Variants in OSBPL11 observed in about 807,000 individuals in gnomAD.
The protein encoded by OSBPL11 is oxysterol-binding protein-related protein 11.
OSBPL11 carries 33 observed loss-of-function variants against 84.4 expected under a neutral mutation model. The observed-to-expected ratio is 0.39, with a 90% CI of 0.30 to 0.52. The LOEUF is 0.52. Among genes scored for constraint, OSBPL11 ranks in the 20% least tolerant of loss-of-function variants. The pLI is 0.72. For synonymous variants in OSBPL11, 276 were observed against 310.2 expected, an observed-to-expected ratio of 0.89 and a Z score of 1.16; for missense variants, 736 against 901.1, an observed-to-expected ratio of 0.82 and a Z score of 2.35.
rs1936665515 is a variant in OSBPL11 at position 125,595,241 on chromosome 3, C to G, written c.-441G>C. 6.6e-6 allele frequency among the ~76,000 whole-genome samples: 1 copy of G among 152,166 alleles called. No homozygotes were observed. Among genetic ancestry groups the G allele is most frequent in the Non-Finnish European group, 1.5e-5 (1 of 68,018 alleles). ...CTCGTCTCCTCCGCAGGTCCTCAGG[C>G]AGTGCGTCCAGTCAAGCCCGCTCGG... On this transcript the variant is annotated 5_prime_UTR_variant, in exon 1 of 13. Transcript: ENST00000296220.
chr3:125,563,812 T>C lies in OSBPL11; in HGVS notation c.900A>G (p.Ile300Met), dbSNP rs776920789. ...CATTTTTATAGTGGTTTGATAAAGA[T>C]ATCTTTGGTTCTAACCACTCGATTG... is the stretch of plus-strand genomic sequence containing the variant. ...GTTIEWLEPK[I>M]SLSNHYKNGA... The change falls in exon 7 of 13, where the codon ATA (isoleucine) becomes ATG (methionine). Residue 300 changes from isoleucine to methionine, a missense_variant. Coordinates refer to ENST00000296220, the MANE Select transcript of OSBPL11 (RefSeq NM_022776.5). The C allele has an allele frequency of 3.1e-6, 5 of 1,614,206 alleles. No individual in the cohort carries two copies. In the Admixed American group the frequency reaches 6.7e-5, roughly 22 times the overall value.
intron 10 of OSBPL11, among the ~76,000 whole-genome samples, chr3:125,539,300 CAT>C (rs10678056): frequency 0.078 from 5,199 of 66,534 alleles, 139 homozygotes; most frequent in Admixed American, 0.11. Flanking sequence ...TCACCACAGC[CAT>C]ATATATATAT....
rs1187447177 is a variant in OSBPL11, at chr3:125,595,304, G to T, written c.-504C>A. Among the ~76,000 whole-genome samples, 2 of 152,112 alleles carry T rather than the reference G, an allele frequency of 1.3e-5. No homozygotes were observed. Among genetic ancestry groups the T allele is most frequent in the Non-Finnish European group, 2.9e-5 (2 of 67,988 alleles). The stretch of plus-strand genomic sequence containing the variant: ...CAGCCCCCGAGATACAGCCAGGGCC[G>T]GCGCGCGCAGCCGGGGAGGAGGGTC... On this transcript the variant is annotated 5_prime_UTR_variant, in exon 1 of 13. Coordinates refer to ENST00000296220, the MANE Select transcript of OSBPL11 (RefSeq NM_022776.5).
chr3:125,576,393 T>C (rs764744649), intron 4 of OSBPL11, 28 bp from the exon 5 acceptor site: 1 of 1,515,392 alleles, frequency 6.6e-7, no homozygotes, highest in South Asian at 1.3e-5. Context: ...TCATTCCTTT[T>C]GTTTTCTTCT....
chr3:125,544,820 C>T (rs747965246), intron 10 of OSBPL11, among the ~76,000 whole-genome samples: 1 of 152,132 alleles, frequency 6.6e-6, no homozygotes, highest in Non-Finnish European at 1.5e-5. Flanking sequence ...TACAATATCT[C>T]AACTATGTAC....
intron 5 of OSBPL11, among the ~76,000 whole-genome samples, chr3:125,575,732 T>C (rs1172675960): frequency 6.6e-6 from 1 of 151,610 alleles, no homozygotes; most frequent in African/African-American, 2.4e-5. Flanking sequence ...AGACGGGGTC[T>C]GGCTTTGTTG....
At chr3:125,591,241 C>T (rs1188670679) in intron 1 of OSBPL11, among the ~76,000 whole-genome samples, 1 of 152,200 alleles carries the variant, frequency 6.6e-6, no homozygotes, top group Non-Finnish European at 1.5e-5. Flanking sequence ...AATCTTGAGT[C>T]TATTATATTA....
chr3:125,547,192 C>T (rs924942960), intron 10 of OSBPL11, among the ~76,000 whole-genome samples: 1 of 152,146 alleles, frequency 6.6e-6, no homozygotes, highest in Non-Finnish European at 1.5e-5. Flanking sequence ...GTTACTTCAT[C>T]AGGAAAATTT....
chr3:125,552,571 C>G lies in OSBPL11; in HGVS notation c.1264G>C (p.Glu422Gln). 6.2e-7 allele frequency: 1 copy of G among 1,614,226 alleles called. No homozygotes were observed. Among genetic ancestry groups the G allele is most frequent in the Non-Finnish European group, 8.5e-7 (1 of 1,180,046 alleles). The change falls in exon 9 of 13, where the codon GAG becomes CAG. Residue 422 changes from glutamate (E) to glutamine (Q), a missense_variant. Glu to Gln is a conservative substitution (Grantham distance 29). Transcript: ENST00000296220. ...FIAITNGATAEDRMIRFVEYY... is the reference protein window; with the variant it reads ...FIAITNGATAQDRMIRFVEYY... ...TCAACAAAGCGAATCATTCTGTCCT[C>G]AGCTGTGGCTCCATTAGTGATGGCT...
chr3:125,567,646 G>T, intron 5 of OSBPL11, 51 bp from the exon 6 acceptor site: 1 of 1,444,914 alleles, frequency 6.9e-7, no homozygotes, highest in Non-Finnish European at 9.7e-7. Context: ...TGTAAAACAT[G>T]TATACATACA....
chr3:125,540,796 T>C (rs1397690118), intron 10 of OSBPL11, among the ~76,000 whole-genome samples: 1 of 152,146 alleles, frequency 6.6e-6, no homozygotes, highest in African/African-American at 2.4e-5. Context: ...AGGGTCCGTA[T>C]TGTTTAGAGC....
chr3:125,530,054 TCTC>T lies in OSBPL11; in HGVS notation c.*458_*460del, dbSNP rs1445598481. 1 of 154,746 alleles carries T rather than the reference TCTC, an allele frequency of 6.5e-6. No homozygotes were observed. The highest frequency in any genetic ancestry group is 2.4e-5 in the African/African-American group (1 of 41,458). The allele number at this position is 154,746 out of a possible 1,614,324, so 9.6% of individuals were successfully genotyped here. A position where few individuals can be genotyped will look rare whatever the true frequency, so the allele number is the denominator to read the frequency against. On this transcript the variant is annotated 3_prime_UTR_variant, in exon 13 of 13. Coordinates refer to ENST00000296220, the MANE Select transcript of OSBPL11 (RefSeq NM_022776.5). ...GCTGAATCCACTTCTGGGTCATCTT[TCTC>T]CTCCTCTTGGTTGGTTTACAAGAGT...
intron 10 of OSBPL11, among the ~76,000 whole-genome samples, chr3:125,542,526 T>C (rs1190361430): frequency 6.7e-6 from 1 of 148,594 alleles, no homozygotes; most frequent in Non-Finnish European, 1.5e-5. Flanking sequence ...TTTTTTTTTT[T>C]GAGACGTAGC....
intron 1 of OSBPL11, among the ~76,000 whole-genome samples, chr3:125,587,460 CA>C (rs1183207894): frequency 2.6e-5 from 4 of 152,122 alleles, no homozygotes; most frequent in African/African-American, 9.7e-5. Flanking sequence ...TTTGAAGTTA[CA>C]GCAGTAAATA....
At chr3:125,578,267 C>A (rs1474063788) in intron 4 of OSBPL11, among the ~76,000 whole-genome samples, 2 of 152,048 alleles carry the variant, frequency 1.3e-5, no homozygotes, top group Admixed American at 6.6e-5. Flanking sequence ...ATGAAAGACA[C>A]CAGATACAAC....
rs572200206 is a variant in OSBPL11 at position 125,593,661 on chromosome 3, A to G, written c.164+976T>C. 5.9e-5 allele frequency among the ~76,000 whole-genome samples: 9 copies of G among 152,124 alleles called. No individual in the cohort carries two copies. The South Asian group carries it at 1.2e-3, about 21-fold the overall frequency. On this transcript the variant is annotated intron_variant, in intron 1 of 12. Coordinates refer to ENST00000296220, the MANE Select transcript of OSBPL11 (RefSeq NM_022776.5). ...TTATAATCTTCTATACTTCACTTCT[A>G]TATGTTAATATAGTCATGCATATTT...
Position 125,552,674 on chromosome 3 carries a change from C to A in OSBPL11, c.1161G>T (p.Val387=). ...LKLGMDLTRV[V]LPTFILEKRS... is the part of the protein sequence containing the mutation. ...GCTTCTCTAGGATAAATGTAGGAAG[C>A]ACCACCTAAAACAACAATCAATGAA... Residue 387 remains valine, a synonymous_variant, in exon 9 of 13, where the codon GTG becomes GTT. Coordinates refer to ENST00000296220, the MANE Select transcript of OSBPL11 (RefSeq NM_022776.5). 2 of 1,610,530 alleles carry A rather than the reference C, an allele frequency of 1.2e-6. No individual in the cohort carries two copies. Among genetic ancestry groups the A allele is most frequent in the South Asian group, 1.1e-5 (1 of 90,562 alleles).
At chr3:125,567,373 T>C (rs766239777) in intron 6 of OSBPL11, 21 bp downstream of exon 6, 44 of 1,587,210 alleles carry the variant, frequency 2.8e-5, no homozygotes, top group Admixed American at 2.7e-4. Context: ...TGTGAAGCCC[T>C]ACCTTTAATC....
chr3:125,554,452 C>G (rs1935959628), intron 8 of OSBPL11, among the ~76,000 whole-genome samples: 1 of 152,088 alleles, frequency 6.6e-6, no homozygotes, highest in African/African-American at 2.4e-5. Flanking sequence ...AACAAATGGC[C>G]CATCCAGATT....
Sources: gnomAD v4.1 joint callset for allele counts (sites outside exome capture counted in the v4.1 genomes callset) on GRCh38, gnomAD v4.1.1 for gene constraint, MANE v1.5 for transcripts, NCBI Gene and HGNC (gene_info 2026-07-23, HGNC 2026-07-21) for gene names.